Variants in CTDSPL observed in about 807,000 individuals in gnomAD.
CTDSPL encodes the protein CTD small phosphatase like, also known as CTD small phosphatase-like protein.
CTDSPL carries 8 observed loss-of-function variants against 30.5 expected under a neutral mutation model. That is an observed-to-expected ratio of 0.26 (90% CI 0.15 to 0.47). The LOEUF is 0.47. Among genes scored for constraint, CTDSPL ranks in the 20% least tolerant of loss-of-function variants. The pLI is 0.99. For missense variants in CTDSPL, 248 were observed against 366.1 expected, an observed-to-expected ratio of 0.68 and a Z score of 2.63; for synonymous variants, 110 against 137.9, an observed-to-expected ratio of 0.80 and a Z score of 1.42.
chr3:37,968,084 G>A lies in CTDSPL; in HGVS notation c.426+202G>A, dbSNP rs147591156. 78 of 536,826 alleles carry A rather than the reference G, an allele frequency of 1.5e-4. 1 individual carries two copies. The East Asian group carries it at 2.3e-3, about 16-fold the overall frequency. The allele number at this position is 536,826 out of a possible 1,614,324, so 33.3% of individuals were successfully genotyped here. On this transcript the variant is annotated intron_variant, in intron 5 of 7. Coordinates refer to ENST00000273179, the MANE Select transcript of CTDSPL (RefSeq NM_001008392.2). ...CTGAGATTATAAGGAAACTATAGTCGTAAATATTAGATGCGGTTGCAAGTT... is the reference window on the plus strand; with the variant it reads ...CTGAGATTATAAGGAAACTATAGTCATAAATATTAGATGCGGTTGCAAGTT...
chr3:37,924,498 T>C (rs777107150), intron 1 of CTDSPL, among the ~76,000 whole-genome samples: 5 of 152,212 alleles, frequency 3.3e-5, no homozygotes, highest in African/African-American at 4.8e-5. Flanking sequence ...CCTAAGAAAT[T>C]ATCTTTGTGA....
At chr3:37,892,991 CA>C (rs1195647170) in intron 1 of CTDSPL, among the ~76,000 whole-genome samples, 1 of 152,198 alleles carries the variant, frequency 6.6e-6, no homozygotes, top group African/African-American at 2.4e-5. Context: ...ACTTCCTCTG[CA>C]AGGCAAGCTG....
At chr3:37,972,137 A>T (rs1304810715) in intron 6 of CTDSPL, among the ~76,000 whole-genome samples, 1 of 152,192 alleles carries the variant, frequency 6.6e-6, no homozygotes, top group East Asian at 1.9e-4. Context: ...TGTTCCACAT[A>T]CTGTGCTGGG....
chr3:37,984,121 C>T lies in CTDSPL; in HGVS notation c.*3254C>T, dbSNP rs1323121856. On this transcript the variant is annotated 3_prime_UTR_variant, in exon 8 of 8. Coordinates refer to ENST00000273179, the MANE Select transcript of CTDSPL (RefSeq NM_001008392.2). ...TAAAGGTGCTGTGCTGGACAGTTGG[C>T]ATGCCAGGGTTCGAGAAGAGTGAAT... The T allele has an allele frequency of 9.0e-6, 4 of 444,064 alleles. No individual in the cohort carries two copies. The East Asian group carries it at 2.8e-4, about 31-fold the overall frequency. 27.5% of individuals were successfully genotyped at this position (444,064 alleles called of 1,614,324 possible).
At chr3:37,927,027 G>A (rs1314919397) in intron 1 of CTDSPL, among the ~76,000 whole-genome samples, 1 of 152,114 alleles carries the variant, frequency 6.6e-6, no homozygotes, top group Admixed American at 6.5e-5. Flanking sequence ...GTAAAATGGG[G>A]GTAATGGTAC....
chr3:37,869,338 T>C (rs184988920), intron 1 of CTDSPL, among the ~76,000 whole-genome samples: 1 of 152,238 alleles, frequency 6.6e-6, no homozygotes, highest in African/African-American at 2.4e-5. Flanking sequence ...TTGCCCATAG[T>C]TATCCTACAA....
intron 1 of CTDSPL, among the ~76,000 whole-genome samples, chr3:37,874,458 C>T (rs1049755552): frequency 4.2e-4 from 64 of 152,126 alleles, no homozygotes; most frequent in African/African-American, 2.9e-4. Flanking sequence ...AGGCCGGGCG[C>T]GGTGGCTCAA....
chr3:37,945,820 C>G (rs937037701), intron 1 of CTDSPL, among the ~76,000 whole-genome samples: 8 of 152,226 alleles, frequency 5.3e-5, no homozygotes, highest in African/African-American at 1.9e-4. Flanking sequence ...GGAATAACAG[C>G]TTTTCAGTCC....
At chr3:37,925,382 C>A (rs1440871987) in intron 1 of CTDSPL, among the ~76,000 whole-genome samples, 1 of 152,198 alleles carries the variant, frequency 6.6e-6, no homozygotes, top group Admixed American at 6.5e-5. Context: ...CTGGGCTTGT[C>A]TTTCTCCTCT....
chr3:37,899,866 G>A (rs1308262741), intron 1 of CTDSPL, among the ~76,000 whole-genome samples: 1 of 152,126 alleles, frequency 6.6e-6, no homozygotes, highest in Non-Finnish European at 1.5e-5. Flanking sequence ...AATAACCTTA[G>A]ATGAATTAGT....
At chr3:37,882,962 G>GCCACACATGTGTAGCCACACA in intron 1 of CTDSPL, among the ~76,000 whole-genome samples, 3 of 152,308 alleles carry the variant, frequency 2.0e-5, no homozygotes, top group East Asian at 3.9e-4. Flanking sequence ...GTTTTGTGTA[G>GCCACACATGTGTAGCCACACA]TGCTCTAGCC....
chr3:37,911,793 T>G, intron 1 of CTDSPL: 1 of 453,106 alleles, frequency 2.2e-6, no homozygotes, highest in Non-Finnish European at 4.5e-6. Context: ...GCGCGGTGGT[T>G]CACGCCTATA....
At chr3:37,894,438 T>C (rs1698368938) in intron 1 of CTDSPL, among the ~76,000 whole-genome samples, 1 of 152,012 alleles carries the variant, frequency 6.6e-6, no homozygotes, top group South Asian at 2.1e-4. Flanking sequence ...GTTATAACGA[T>C]CTCCTGGCAT....
At chr3:37,883,149 A>G (rs589662) in intron 1 of CTDSPL, among the ~76,000 whole-genome samples, 1 of 152,172 alleles carries the variant, frequency 6.6e-6, no homozygotes, top group Non-Finnish European at 1.5e-5. Context: ...TGGAAAGAGA[A>G]CAAAGACATA....
intron 1 of CTDSPL, among the ~76,000 whole-genome samples, chr3:37,893,314 T>C (rs1698351379): frequency 6.6e-6 from 1 of 152,226 alleles, no homozygotes; most frequent in Non-Finnish European, 1.5e-5. Context: ...AACAGGTTCT[T>C]TGGTAATCTT....
rs1390090989 is a variant in CTDSPL, at chr3:37,982,667, G to A, written c.*1800G>A. On this transcript the variant is annotated 3_prime_UTR_variant, in exon 8 of 8. Coordinates refer to ENST00000273179, the MANE Select transcript of CTDSPL (RefSeq NM_001008392.2). ...AAGTAAGTATTCAGGGGGTAAACAGGTCTCCCAGCATTCTGAGTGTTCCAA... is the reference window on the plus strand; with the variant it reads ...AAGTAAGTATTCAGGGGGTAAACAGATCTCCCAGCATTCTGAGTGTTCCAA... 5 of 456,522 alleles carry A rather than the reference G, an allele frequency of 1.1e-5. No individual in the cohort carries two copies. Among genetic ancestry groups the A allele is most frequent in the Admixed American group, 2.3e-5 (1 of 42,556 alleles). 28.3% of individuals were successfully genotyped at this position (456,522 alleles called of 1,614,324 possible).
chr3:37,886,140 A>G (rs116715534), intron 1 of CTDSPL, among the ~76,000 whole-genome samples: 100 of 152,180 alleles, frequency 6.6e-4, no homozygotes, highest in African/African-American at 1.9e-3. Context: ...TTCACGTCCT[A>G]CTTGGGCTGC....
At chr3:37,914,960 C>G (rs1374632756) in intron 1 of CTDSPL, among the ~76,000 whole-genome samples, 1 of 143,604 alleles carries the variant, frequency 7.0e-6, no homozygotes, top group Non-Finnish European at 1.5e-5. Context: ...AGGCTCACTG[C>G]AGCCTCAACC....
intron 7 of CTDSPL, among the ~76,000 whole-genome samples, chr3:37,977,602 A>C (rs1699443399): frequency 6.7e-6 from 1 of 149,794 alleles, no homozygotes; most frequent in Non-Finnish European, 1.5e-5. Flanking sequence ...AGAATATATC[A>C]TAGAGGCCAG....
Sources: allele counts gnomAD v4.1 joint callset (sites outside exome capture counted in the v4.1 genomes callset), GRCh38; gene constraint gnomAD v4.1.1; transcripts MANE v1.5; gene names NCBI Gene and HGNC (gene_info 2026-07-23, HGNC 2026-07-21).